Variants in RBMS3 observed in about 807,000 individuals in gnomAD.
RBMS3 encodes RNA-binding motif, single-stranded-interacting protein 3.
A neutral mutation model predicts 66.8 loss-of-function variants in RBMS3; 27 were observed. The ratio of observed to expected loss-of-function variants is 0.40; its 90% CI spans 0.30 to 0.56. The LOEUF is 0.56. RBMS3 is among the 20% of genes least tolerant of loss of function. The pLI, the probability that RBMS3 is intolerant of heterozygous loss-of-function variation, is 0.40. For synonymous variants in RBMS3, 188 were observed against 183.0 expected, an observed-to-expected ratio of 1.03 and a Z score of -0.22; for missense variants, 513 against 549.5, an observed-to-expected ratio of 0.93 and a Z score of 0.66.
At chr3:29,399,814 G>A (rs368403274) in intron 1 of RBMS3, among the ~76,000 whole-genome samples, 3 of 152,140 alleles carry the variant, frequency 2.0e-5, no homozygotes, top group Non-Finnish European at 2.9e-5. Flanking sequence ...TGATAGGCAG[G>A]TAGAGAAGTA....
chr3:29,579,875 G>T (rs562073465), intron 3 of RBMS3, among the ~76,000 whole-genome samples: 1 of 152,052 alleles, frequency 6.6e-6, no homozygotes, highest in Admixed American at 6.6e-5. Context: ...CTTTAATCTC[G>T]ATAAAGCATA....
rs563926225 is a variant in RBMS3, at chr3:30,010,108, C to G, written c.*6246C>G. ...AAAGGGACACAGCTTCTTTTAAAAC[C>G]CTTGTTTCAGTCCATATTCAACTTC... is the stretch of plus-strand genomic sequence containing the variant. On this transcript the variant is annotated 3_prime_UTR_variant, in exon 15 of 15. Transcript: ENST00000383767. 2.0e-3 allele frequency: 300 copies of G among 151,752 alleles called. No individual in the cohort carries two copies. Among genetic ancestry groups the G allele is most frequent in the African/African-American group, 6.9e-3 (287 of 41,404 alleles). The allele number at this position is 151,752 out of a possible 1,614,324, so 9.4% of individuals were successfully genotyped here.
At chr3:29,720,294 A>G (rs866898675) in intron 4 of RBMS3, among the ~76,000 whole-genome samples, 20 of 152,212 alleles carry the variant, frequency 1.3e-4, no homozygotes, top group African/African-American at 4.8e-4. Context: ...TATCATATGT[A>G]GCCATTGTAA....
At chr3:29,817,064 C>T (rs1312045950) in intron 6 of RBMS3, among the ~76,000 whole-genome samples, 1 of 152,098 alleles carries the variant, frequency 6.6e-6, no homozygotes, top group Non-Finnish European at 1.5e-5. Context: ...GCACTCCAGC[C>T]TGGATGACAG....
intron 1 of RBMS3, among the ~76,000 whole-genome samples, chr3:29,335,096 C>T (rs1013846675): frequency 6.7e-6 from 1 of 148,758 alleles, no homozygotes; most frequent in African/African-American, 2.5e-5. Context: ...ATGAAGCCTG[C>T]TTCTCAGTTA....
intron 4 of RBMS3, among the ~76,000 whole-genome samples, chr3:29,722,703 C>T (rs2053693392): frequency 6.6e-6 from 1 of 152,034 alleles, no homozygotes; most frequent in Admixed American, 6.6e-5. Context: ...TTATGTAGAG[C>T]ATCCCTACCT....
intron 12 of RBMS3, among the ~76,000 whole-genome samples, chr3:29,963,436 G>C (rs1417797412): frequency 6.6e-6 from 1 of 152,188 alleles, no homozygotes; most frequent in Non-Finnish European, 1.5e-5. Context: ...AGATATTAGT[G>C]TTGTACTTAA....
chr3:29,421,692 T>C (rs1283128963), intron 1 of RBMS3, among the ~76,000 whole-genome samples: 2 of 152,218 alleles, frequency 1.3e-5, no homozygotes, highest in Non-Finnish European at 2.9e-5. Flanking sequence ...CATCAGCTTA[T>C]CTGAGAGCAT....
chr3:29,996,436 A>G (rs1699248177), intron 14 of RBMS3, among the ~76,000 whole-genome samples: 1 of 149,672 alleles, frequency 6.7e-6, no homozygotes, highest in Non-Finnish European at 1.5e-5. Flanking sequence ...CACCTACAGA[A>G]CTCTCCACCC....
rs777331613 is a variant in RBMS3 at position 29,884,422 on chromosome 3, T to TTTTCTCTCTCTCTCTCTCTC, written c.791+215_791+216insTTCTCTCTCTCTCTCTCTCT. On this transcript the variant is annotated intron_variant, in intron 8 of 14. Coordinates refer to ENST00000383767, the MANE Select transcript of RBMS3 (RefSeq NM_001003793.3). Reference sequence around the variant, plus strand: ...ATGCCTCTGCCCACATTAAACCCTGTTCTCTCTCTCTCTCTCTCTCTCTCT... The same window carrying TTTTCTCTCTCTCTCTCTCTC: ...ATGCCTCTGCCCACATTAAACCCTGTTTTCTCTCTCTCTCTCTCTCTCTCTCTCTCTCTCTCTCTCTCTCT... Among the ~76,000 whole-genome samples, 2 of 41,842 alleles carry TTTTCTCTCTCTCTCTCTCTC rather than the reference T, an allele frequency of 4.8e-5. 1 individual carries two copies. The highest frequency in any genetic ancestry group is 2.1e-4 in the African/African-American group (2 of 9,648). 27.4% of individuals were successfully genotyped at this position (41,842 alleles called of 152,430 possible). A position where few individuals can be genotyped will look rare whatever the true frequency, so the allele number is the denominator to read the frequency against.
At position 30,008,444 on chromosome 3, in the gene RBMS3, G is replaced by A. The variant is rs762550398; in HGVS notation, c.*4582G>A. 2.6e-5 allele frequency: 4 copies of A among 151,982 alleles called. No homozygotes were observed. The highest frequency in any genetic ancestry group is 9.7e-5 in the African/African-American group (4 of 41,416). 9.4% of individuals were successfully genotyped at this position (151,982 alleles called of 1,614,324 possible). A position where few individuals can be genotyped will look rare whatever the true frequency, so the allele number is the denominator to read the frequency against. ...TATAACAACATTCAGCACATTTGAGGAATCACACACTATAATAAAGCTTAA... is the reference window on the plus strand; with the variant it reads ...TATAACAACATTCAGCACATTTGAGAAATCACACACTATAATAAAGCTTAA... On this transcript the variant is annotated 3_prime_UTR_variant, in exon 15 of 15. Transcript: ENST00000383767.
At chr3:29,324,615 C>T (rs2035206038) in intron 1 of RBMS3, among the ~76,000 whole-genome samples, 2 of 152,138 alleles carry the variant, frequency 1.3e-5, no homozygotes, top group African/African-American at 4.8e-5. Flanking sequence ...GTTATGCTCT[C>T]CCAGCATTGT....
intron 4 of RBMS3, among the ~76,000 whole-genome samples, chr3:29,700,526 T>C (rs1173905916): frequency 6.6e-6 from 1 of 152,156 alleles, no homozygotes; most frequent in Non-Finnish European, 1.5e-5. Flanking sequence ...CAAGTATAAA[T>C]AGCAAATTTT....
intron 12 of RBMS3, among the ~76,000 whole-genome samples, chr3:29,958,392 CATT>C (rs1226098795): frequency 3.9e-5 from 6 of 151,968 alleles, no homozygotes; most frequent in African/African-American, 9.7e-5. Flanking sequence ...TGATTTTTCT[CATT>C]ATAAAACTGG....
chr3:29,783,565 C>A (rs1256286373), intron 6 of RBMS3, among the ~76,000 whole-genome samples: 4 of 151,944 alleles, frequency 2.6e-5, no homozygotes, highest in African/African-American at 4.8e-5. Flanking sequence ...TTGAAATAAA[C>A]CCCTCAAAAA....
chr3:29,435,044 G>A, intron 2 of RBMS3, 129 bp downstream of exon 2: 1 of 1,002,212 alleles, frequency 1.0e-6, no homozygotes, highest in Non-Finnish European at 1.4e-6. Context: ...TTACAAACAG[G>A]ACTTAAATTT....
intron 1 of RBMS3, among the ~76,000 whole-genome samples, chr3:29,296,126 G>A (rs1166811851): frequency 2.0e-5 from 3 of 151,722 alleles, no homozygotes; most frequent in Non-Finnish European, 2.9e-5. Context: ...ATCCCAACAA[G>A]CGCTTGGGGT....
chr3:29,413,997 C>T (rs1241797385), intron 1 of RBMS3, among the ~76,000 whole-genome samples: 1 of 152,198 alleles, frequency 6.6e-6, no homozygotes, highest in Non-Finnish European at 1.5e-5. Flanking sequence ...CCTCTTTCTC[C>T]TTTCAGAATG....
At chr3:29,548,110 T>C (rs2046035696) in intron 3 of RBMS3, among the ~76,000 whole-genome samples, 1 of 152,084 alleles carries the variant, frequency 6.6e-6, no homozygotes, top group Non-Finnish European at 1.5e-5. Context: ...ATTGAAATTT[T>C]TCTTAGGAAA....
Sources: gnomAD v4.1 joint callset for allele counts (sites outside exome capture counted in the v4.1 genomes callset) on GRCh38, gnomAD v4.1.1 for gene constraint, MANE v1.5 for transcripts, NCBI Gene and HGNC (gene_info 2026-07-23, HGNC 2026-07-21) for gene names.